Variants in LRRTM4 observed in about 807,000 individuals in gnomAD.
The protein encoded by LRRTM4 is leucine-rich repeat transmembrane neuronal protein 4.
A neutral mutation model predicts 47.6 loss-of-function variants in LRRTM4; 25 were observed. The observed-to-expected ratio is 0.53, with a 90% CI of 0.38 to 0.73. LRRTM4 has a LOEUF of 0.73. Ranked by LOEUF, LRRTM4 falls within the 30% of genes least tolerant of loss-of-function variation. The pLI is 0.00. For missense variants in LRRTM4, 638 were observed against 713.4 expected (o/e 0.89, Z 1.20); for synonymous variants, 311 against 269.5 (o/e 1.15, Z -1.51).
chr2:77,344,361 CA>C, intron 3 of LRRTM4, among the ~76,000 whole-genome samples: 1 of 151,732 alleles, frequency 6.6e-6, no homozygotes, highest in Middle Eastern at 3.4e-3. Context: ...ACAGCAAGTT[CA>C]AGCAGAAAAT....
At chr2:77,440,002 C>A (rs756795374) in intron 3 of LRRTM4, among the ~76,000 whole-genome samples, 6 of 152,200 alleles carry the variant, frequency 3.9e-5, no homozygotes, top group Non-Finnish European at 7.3e-5. Context: ...TGATATCTAT[C>A]TGTCTTATCA....
At chr2:77,401,907 G>A (rs1673974573) in intron 3 of LRRTM4, among the ~76,000 whole-genome samples, 1 of 151,896 alleles carries the variant, frequency 6.6e-6, no homozygotes, top group Non-Finnish European at 1.5e-5. Context: ...GAGAATCTCT[G>A]GTGGATTTCA....
chr2:77,155,016 A>C (rs1279729794), intron 3 of LRRTM4, among the ~76,000 whole-genome samples: 1 of 152,162 alleles, frequency 6.6e-6, no homozygotes. Flanking sequence ...ATAAATCCAC[A>C]TAATAGGCAC....
At chr2:76,910,819 G>T (rs1674027209) in intron 3 of LRRTM4, among the ~76,000 whole-genome samples, 1 of 152,018 alleles carries the variant, frequency 6.6e-6, no homozygotes. Context: ...TTTAACATTG[G>T]AATATATCTT....
chr2:77,488,061 G>C (rs1677990075), intron 3 of LRRTM4, among the ~76,000 whole-genome samples: 2 of 152,174 alleles, frequency 1.3e-5, no homozygotes, highest in Non-Finnish European at 2.9e-5. Flanking sequence ...CAGACCCCTA[G>C]CTTGCCATGT....
intron 3 of LRRTM4, among the ~76,000 whole-genome samples, chr2:76,926,075 G>A (rs1182216438): frequency 6.6e-6 from 1 of 152,044 alleles, no homozygotes; most frequent in Non-Finnish European, 1.5e-5. Flanking sequence ...TCATTTAGGA[G>A]TTTGTTACTC....
chr2:76,841,235 T>C (rs902749568), intron 3 of LRRTM4, among the ~76,000 whole-genome samples: 1 of 140,066 alleles, frequency 7.1e-6, no homozygotes, highest in East Asian at 2.1e-4. Flanking sequence ...TGAGAACACA[T>C]GGACACAGGA....
chr2:76,806,542 T>C (rs1675976547), intron 3 of LRRTM4, among the ~76,000 whole-genome samples: 1 of 152,174 alleles, frequency 6.6e-6, no homozygotes, highest in Admixed American at 6.5e-5. Context: ...GATCACGTCA[T>C]TGCACTCCAG....
intron 3 of LRRTM4, among the ~76,000 whole-genome samples, chr2:76,777,196 G>A (rs1170879531): frequency 6.6e-6 from 1 of 150,810 alleles, no homozygotes; most frequent in African/African-American, 2.4e-5. Flanking sequence ...GGAGTGTGAT[G>A]CATCCAGCTT....
chr2:77,253,187 T>TA lies in LRRTM4; in HGVS notation c.1551+265130dup, dbSNP rs1256240501. 2.0e-5 allele frequency among the ~76,000 whole-genome samples: 3 copies of TA among 152,132 alleles called. No individual in the cohort carries two copies. In the South Asian group the frequency reaches 6.2e-4, roughly 32 times the overall value. Reference sequence around the variant, plus strand: ...CTATTAGTCCTACCATTTTCAAACATAAAAAATATAAATAAATAAAATGAT... The same window carrying TA: ...CTATTAGTCCTACCATTTTCAAACATAAAAAAATATAAATAAATAAAATGAT... On this transcript the variant is annotated intron_variant, in intron 3 of 3. Transcript: ENST00000409884.
rs576088022 is a variant in LRRTM4 at position 77,226,695 on chromosome 2, T to A, written c.1551+291623A>T. ...AGCTTAATAAGTGAAACGTTTGTTT[T>A]CAGGTGTAGATTTTTGTTCTCAAGT... On this transcript the variant is annotated intron_variant, in intron 3 of 3. Coordinates refer to ENST00000409884, the MANE Select transcript of LRRTM4 (RefSeq NM_001134745.3). Among the ~76,000 whole-genome samples, 5 of 152,114 alleles carry A rather than the reference T, an allele frequency of 3.3e-5. No individual in the cohort carries two copies. The South Asian group carries it at 8.3e-4, about 25-fold the overall frequency.
At chr2:77,241,684 T>G (rs1158747980) in intron 3 of LRRTM4, among the ~76,000 whole-genome samples, 1 of 152,102 alleles carries the variant, frequency 6.6e-6, no homozygotes, top group Admixed American at 6.6e-5. Flanking sequence ...ATAAGGGGAT[T>G]AGCAAATATA....
At chr2:77,033,736 C>A (rs1678740840) in intron 3 of LRRTM4, among the ~76,000 whole-genome samples, 1 of 151,722 alleles carries the variant, frequency 6.6e-6, no homozygotes, top group Non-Finnish European at 1.5e-5. Flanking sequence ...TTTCTAATAT[C>A]AATAGGGCTG....
intron 3 of LRRTM4, among the ~76,000 whole-genome samples, chr2:77,425,739 T>G (rs899612296): frequency 6.6e-6 from 1 of 152,194 alleles, no homozygotes; most frequent in East Asian, 1.9e-4. Flanking sequence ...AATCTCTACA[T>G]GGTCTATATC....
intron 3 of LRRTM4, among the ~76,000 whole-genome samples, chr2:77,269,420 A>G (rs79240809): frequency 6.6e-6 from 1 of 152,180 alleles, no homozygotes; most frequent in African/African-American, 2.4e-5. Flanking sequence ...TAAGATAATT[A>G]CAAAAGTACA....
chr2:76,952,105 T>C (rs1364064499), intron 3 of LRRTM4, among the ~76,000 whole-genome samples: 4 of 152,138 alleles, frequency 2.6e-5, no homozygotes, highest in South Asian at 2.1e-4. Flanking sequence ...GCATGTGTCT[T>C]TGTAGTAGAT....
At chr2:77,199,841 G>A (rs1258091171) in intron 3 of LRRTM4, among the ~76,000 whole-genome samples, 1 of 151,956 alleles carries the variant, frequency 6.6e-6, no homozygotes, top group Non-Finnish European at 1.5e-5. Context: ...AAGATAAATG[G>A]AAGTGTCACA....
At chr2:76,955,758 G>A (rs1398415377) in intron 3 of LRRTM4, among the ~76,000 whole-genome samples, 1 of 151,682 alleles carries the variant, frequency 6.6e-6, no homozygotes, top group East Asian at 2.0e-4. Flanking sequence ...GAGGGTACAA[G>A]GAGTGGATGA....
At chr2:77,134,704 A>C (rs926388737) in intron 3 of LRRTM4, among the ~76,000 whole-genome samples, 13 of 152,266 alleles carry the variant, frequency 8.5e-5, no homozygotes, top group Middle Eastern at 3.4e-3. Context: ...ATCATGACTA[A>C]AAATACCATA....
Sources: allele counts gnomAD v4.1 joint callset (sites outside exome capture counted in the v4.1 genomes callset), GRCh38; gene constraint gnomAD v4.1.1; transcripts MANE v1.5; gene names NCBI Gene and HGNC (gene_info 2026-07-23, HGNC 2026-07-21).